The following SUMF1 variants were observed in gnomAD, a reference collection of about 807,000 sequenced individuals.
The protein encoded by SUMF1 is formylglycine-generating enzyme.
Under a neutral mutation model 47.6 loss-of-function variants are expected in SUMF1, and 48 were observed. The observed-to-expected ratio is 1.01, with a 90% CI of 0.80 to 1.28. The LOEUF is 1.28. SUMF1 is among the 50% of genes most tolerant of loss of function. The pLI is 0.00. For synonymous variants in SUMF1, 230 were observed against 192.1 expected, an observed-to-expected ratio of 1.20 and a Z score of -1.63; for missense variants, 571 against 485.4, an observed-to-expected ratio of 1.18 and a Z score of -1.66.
At chr3:4,281,275 A>C (rs935231613) in intron 8 of SUMF1, among the ~76,000 whole-genome samples, 1 of 152,132 alleles carries the variant, frequency 6.6e-6, no homozygotes, top group Non-Finnish European at 1.5e-5. Context: ...TATTACAGAC[A>C]AGGAGACTCT....
chr3:4,217,514 T>TATATATATATATATATATAAATATATATA (rs1553610066), intron 8 of SUMF1, among the ~76,000 whole-genome samples: 1 of 45,198 alleles, frequency 2.2e-5, no homozygotes, highest in African/African-American at 1.0e-4. Flanking sequence ...AAAGTATTTT[T>TATATATATATATATATATAAATATATATA]TATATATATA....
intron 8 of SUMF1, among the ~76,000 whole-genome samples, chr3:4,208,652 C>T (rs923562848): frequency 1.3e-5 from 2 of 151,846 alleles, no homozygotes; most frequent in South Asian, 4.2e-4. Context: ...AAAAGACATG[C>T]CAGACATCAA....
At chr3:4,202,675 G>T (rs1244383443) in intron 8 of SUMF1, among the ~76,000 whole-genome samples, 2 of 151,946 alleles carry the variant, frequency 1.3e-5, no homozygotes, top group Non-Finnish European at 2.9e-5. Context: ...GGATTGCATT[G>T]AATCTGTAGA....
At chr3:4,195,499 T>G (rs1176265501) in intron 8 of SUMF1, among the ~76,000 whole-genome samples, 1 of 152,150 alleles carries the variant, frequency 6.6e-6, no homozygotes, top group Admixed American at 6.6e-5. Context: ...AAATCCAGAC[T>G]TGCCGTTTAA....
chr3:4,313,702 C>T, intron 8 of SUMF1: 1 of 1,614,018 alleles, frequency 6.2e-7, no homozygotes, highest in Non-Finnish European at 8.5e-7. Context: ...TGAGAAGGAA[C>T]CCAGCATGTG....
At chr3:4,383,974 A>G (rs1388185076) in intron 7 of SUMF1, among the ~76,000 whole-genome samples, 1 of 143,018 alleles carries the variant, frequency 7.0e-6, no homozygotes, top group East Asian at 1.9e-4. Flanking sequence ...TTACAGTTAT[A>G]TATGTGAAAA....
Position 4,257,613 on chromosome 3 carries a change from G to C in SUMF1, c.1014+118717C>G, listed in dbSNP as rs370545375. Among the ~76,000 whole-genome samples the C allele has an allele frequency of 8.1e-3, 1,201 of 148,842 alleles. 12 individuals are homozygous for C. Among genetic ancestry groups the C allele is most frequent in the South Asian group, 0.027 (123 of 4,614 alleles). ...ACCACTGCTCAAGGAAATAAAAGAGGATACAAACAAATGGAAGAACATTCC... is the reference window on the plus strand; with the variant it reads ...ACCACTGCTCAAGGAAATAAAAGAGCATACAAACAAATGGAAGAACATTCC... On this transcript the variant is annotated intron_variant and NMD_transcript_variant, in intron 8 of 12. Coordinates refer to the SUMF1 transcript ENST00000448413.
intron 8 of SUMF1, among the ~76,000 whole-genome samples, chr3:4,197,086 T>C (rs1444357974): frequency 6.6e-6 from 1 of 152,074 alleles, no homozygotes; most frequent in Non-Finnish European, 1.5e-5. Flanking sequence ...ATGAATTCTA[T>C]AAGGAGAATA....
intron 8 of SUMF1, among the ~76,000 whole-genome samples, chr3:4,259,481 A>C (rs558880937): frequency 6.6e-6 from 1 of 152,184 alleles, no homozygotes; most frequent in Non-Finnish European, 1.5e-5. Flanking sequence ...AATTATTTAC[A>C]TATTTCTGTC....
chr3:4,260,633 G>T (rs1364333738), intron 8 of SUMF1, among the ~76,000 whole-genome samples: 1 of 152,128 alleles, frequency 6.6e-6, no homozygotes, highest in Non-Finnish European at 1.5e-5. Flanking sequence ...TACTCAGAAG[G>T]CTAAGGCATG....
At chr3:4,188,255 A>T (rs1695245520) in intron 8 of SUMF1, among the ~76,000 whole-genome samples, 1 of 151,648 alleles carries the variant, frequency 6.6e-6, no homozygotes, top group South Asian at 2.1e-4. Context: ...GGCTCACTGC[A>T]ATCTCCGCCT....
intron 8 of SUMF1, among the ~76,000 whole-genome samples, chr3:4,234,950 T>C (rs1303884726): frequency 2.0e-5 from 3 of 152,180 alleles, no homozygotes; most frequent in Admixed American, 6.6e-5. Flanking sequence ...TATCCATATA[T>C]GTATAATACA....
At position 4,250,469 on chromosome 3, in the gene SUMF1, C is replaced by A. The variant is rs571584643; in HGVS notation, c.1014+125861G>T. Among the ~76,000 whole-genome samples, 6 of 152,014 alleles carry A rather than the reference C, an allele frequency of 3.9e-5. No homozygotes were observed. In the South Asian group the frequency reaches 1.2e-3, roughly 32 times the overall value. ...GGATGGAGAAGCTGCAGCAAGCTAT[C>A]CAGAAGATATAGCCAAGATAATTCA... On this transcript the variant is annotated intron_variant and NMD_transcript_variant, in intron 8 of 12. Coordinates refer to the SUMF1 transcript ENST00000448413.
At chr3:4,297,141 A>G (rs1303845805) in intron 8 of SUMF1, among the ~76,000 whole-genome samples, 1 of 152,148 alleles carries the variant, frequency 6.6e-6, no homozygotes, top group Non-Finnish European at 1.5e-5. Flanking sequence ...AAAGGTGTGC[A>G]CCTGTAAGCT....
chr3:4,086,010 G>A (rs1692663795), intron 8 of SUMF1, among the ~76,000 whole-genome samples: 2 of 151,934 alleles, frequency 1.3e-5, no homozygotes, highest in African/African-American at 4.8e-5. Context: ...GTCCTGAGAA[G>A]CAATCTATGC....
At chr3:4,269,854 A>T (rs939343310) in intron 8 of SUMF1, among the ~76,000 whole-genome samples, 9 of 152,120 alleles carry the variant, frequency 5.9e-5, no homozygotes, top group African/African-American at 2.2e-4. Context: ...CAGACTAGAA[A>T]ATGTAGGGTA....
chr3:4,282,514 T>C (rs899030322), intron 8 of SUMF1, among the ~76,000 whole-genome samples: 7 of 152,196 alleles, frequency 4.6e-5, no homozygotes, highest in African/African-American at 1.7e-4. Flanking sequence ...AAGAAGTAAC[T>C]ACTTGGTACT....
At chr3:4,168,645 A>C (rs1298912608) in intron 8 of SUMF1, among the ~76,000 whole-genome samples, 1 of 152,192 alleles carries the variant, frequency 6.6e-6, no homozygotes, top group Non-Finnish European at 1.5e-5. Context: ...ATGAGTTCTC[A>C]AGCAACTTTG....
chr3:4,440,857 G>A lies in SUMF1; in HGVS notation c.519+8409C>T, dbSNP rs116397093. On this transcript the variant is annotated intron_variant, in intron 3 of 8. Coordinates refer to ENST00000272902, the MANE Select transcript of SUMF1 (RefSeq NM_182760.4). Reference sequence around the variant, plus strand: ...CTTGTTCCTCAAGCTCCCACCAACAGCAACTGTTTTCTACCCAGCCTATGG... The same window carrying A: ...CTTGTTCCTCAAGCTCCCACCAACAACAACTGTTTTCTACCCAGCCTATGG... Among the ~76,000 whole-genome samples, 759 of 152,292 alleles carry A rather than the reference G, an allele frequency of 5.0e-3. 4 individuals are homozygous for A. Among genetic ancestry groups the A allele is most frequent in the African/African-American group, 0.017 (722 of 41,556 alleles).
Sources: allele counts gnomAD v4.1 joint callset (sites outside exome capture counted in the v4.1 genomes callset), GRCh38; gene constraint gnomAD v4.1.1; transcripts MANE v1.5; gene names NCBI Gene and HGNC (gene_info 2026-07-23, HGNC 2026-07-21).